CWC27: variants seen among roughly 807,000 people sequenced by gnomAD.
CWC27 encodes spliceosome-associated protein CWC27 homolog.
Under a neutral mutation model 63.6 loss-of-function variants are expected in CWC27, and 47 were observed. The observed-to-expected ratio is 0.74, with a 90% CI of 0.58 to 0.94. The LOEUF (loss-of-function observed/expected upper bound fraction) is 0.94. CWC27 is among the 40% of genes least tolerant of loss of function. The probability of loss-of-function intolerance (pLI) is 0.00; values close to 1 mark genes in which losing one functional copy is unlikely to be tolerated. For synonymous variants in CWC27, 175 were observed against 179.8 expected (o/e 0.97, Z 0.22); for missense variants, 495 against 554.3 (o/e 0.89, Z 1.07).
chr5:64,919,266 A>T (rs1369582388), intron 11 of CWC27, among the ~76,000 whole-genome samples: 1 of 152,220 alleles, frequency 6.6e-6, no homozygotes, highest in Non-Finnish European at 1.5e-5. Context: ...CTGGCCAGAG[A>T]AAAATTAGAA....
At position 64,818,394 on chromosome 5, in the gene CWC27, G is replaced by A. The variant is rs897910692; in HGVS notation, c.938+14008G>A. On this transcript the variant is annotated intron_variant, in intron 10 of 13. Transcript: ENST00000381070. ...AATTTCTTCTTCCTTTTAGATAAGC[G>A]TTTACTTTAGTTTTATTAGTCATTA... Among the ~76,000 whole-genome samples the A allele has an allele frequency of 4.9e-4, 75 of 152,018 alleles. 1 individual carries two copies. Among genetic ancestry groups the A allele is most frequent in the Non-Finnish European group, 9.0e-4 (61 of 67,972 alleles).
intron 10 of CWC27, among the ~76,000 whole-genome samples, chr5:64,867,195 A>G (rs1746550322): frequency 6.6e-6 from 1 of 152,190 alleles, no homozygotes; most frequent in East Asian, 1.9e-4. Context: ...AATTTTTCCA[A>G]TGTCACACAG....
At chr5:64,957,521 A>G (rs1748826202) in intron 11 of CWC27, among the ~76,000 whole-genome samples, 1 of 152,222 alleles carries the variant, frequency 6.6e-6, no homozygotes, top group Non-Finnish European at 1.5e-5. Context: ...AACAGGAACA[A>G]CAAACTACAG....
At chr5:64,848,254 AAC>A (rs1255173128) in intron 10 of CWC27, among the ~76,000 whole-genome samples, 5 of 152,166 alleles carry the variant, frequency 3.3e-5, no homozygotes. Context: ...CATATAGGAC[AAC>A]CTAGGAGAAA....
At chr5:64,784,001 A>G in intron 4 of CWC27, 22 bp downstream of exon 4, 1 of 1,539,332 alleles carries the variant, frequency 6.5e-7, no homozygotes, top group Non-Finnish European at 8.7e-7. Flanking sequence ...GTGATTTTAA[A>G]CCTGTGGTTC....
At chr5:64,964,681 C>T (rs1187044420) in intron 11 of CWC27, among the ~76,000 whole-genome samples, 1 of 152,130 alleles carries the variant, frequency 6.6e-6, no homozygotes, top group Non-Finnish European at 1.5e-5. Flanking sequence ...TTAGCCCAAG[C>T]TAAAATACTA....
intron 11 of CWC27, among the ~76,000 whole-genome samples, chr5:64,893,090 C>A (rs1346508451): frequency 6.6e-6 from 1 of 152,212 alleles, no homozygotes; most frequent in East Asian, 1.9e-4. Flanking sequence ...CATGCGCACA[C>A]ACACGTGTTT....
chr5:64,888,741 T>C (rs1160909732), intron 11 of CWC27, among the ~76,000 whole-genome samples: 2 of 151,906 alleles, frequency 1.3e-5, no homozygotes, highest in Non-Finnish European at 2.9e-5. Flanking sequence ...TAAATAACTG[T>C]TGCCAATAAG....
At chr5:64,822,543 G>A (rs1286180601) in intron 10 of CWC27, among the ~76,000 whole-genome samples, 3 of 152,112 alleles carry the variant, frequency 2.0e-5, no homozygotes, top group East Asian at 3.9e-4. Context: ...AAAGTACAGG[G>A]TGTATTTGAG....
chr5:64,977,097 C>A, intron 12 of CWC27, 38 bp from the exon 13 acceptor site: 2 of 1,205,822 alleles, frequency 1.7e-6, no homozygotes, highest in South Asian at 1.6e-5. Flanking sequence ...TTATATTTAT[C>A]TTTATCAGAA....
chr5:64,931,957 T>C (rs1230309620), intron 11 of CWC27, among the ~76,000 whole-genome samples: 1 of 152,130 alleles, frequency 6.6e-6, no homozygotes, highest in Non-Finnish European at 1.5e-5. Context: ...TTAAACATTT[T>C]GCAGAAAGCA....
Position 64,972,587 on chromosome 5 carries a change from G to A in CWC27, c.1152+775G>A, listed in dbSNP as rs534729391. Reference sequence around the variant, plus strand: ...ACCATTTTAGTTGTATAAATAAAACGGGCAAAGTAAAAGTAAATTAAAAAG... The same window carrying A: ...ACCATTTTAGTTGTATAAATAAAACAGGCAAAGTAAAAGTAAATTAAAAAG... On this transcript the variant is annotated intron_variant, in intron 12 of 13. Transcript: ENST00000381070. 4.7e-5 allele frequency: 19 copies of A among 403,280 alleles called. No individual in the cohort carries two copies. In the East Asian group the frequency reaches 9.1e-4, roughly 19 times the overall value. 25.0% of individuals were successfully genotyped at this position (403,280 alleles called of 1,614,324 possible). A position where few individuals can be genotyped will look rare whatever the true frequency, so the allele number is the denominator to read the frequency against.
intron 13 of CWC27, among the ~76,000 whole-genome samples, chr5:64,977,567 G>A (rs1309580): frequency 0.15 from 23,122 of 151,994 alleles, 1,970 homozygotes; most frequent in Non-Finnish European, 0.19. Context: ...TAAACAACTC[G>A]AAAACAACCT....
intron 10 of CWC27, among the ~76,000 whole-genome samples, chr5:64,821,689 AG>A (rs1745200851): frequency 6.6e-6 from 1 of 152,190 alleles, no homozygotes. Context: ...TATTGCAAAA[AG>A]AGTAGGGGAA....
chr5:65,011,390 A>G (rs1283314621), intron 13 of CWC27, among the ~76,000 whole-genome samples: 1 of 152,228 alleles, frequency 6.6e-6, no homozygotes, highest in Non-Finnish European at 1.5e-5. Flanking sequence ...AGCAGGTCAG[A>G]TCAGGAAAGG....
intron 10 of CWC27, among the ~76,000 whole-genome samples, chr5:64,864,282 T>C (rs1746484566): frequency 6.6e-6 from 1 of 152,192 alleles, no homozygotes; most frequent in South Asian, 2.1e-4. Flanking sequence ...TCGGCCTCTT[T>C]TACTTTTCCA....
At chr5:64,873,605 C>T (rs1746728066) in intron 10 of CWC27, among the ~76,000 whole-genome samples, 2 of 152,044 alleles carry the variant, frequency 1.3e-5, no homozygotes, top group Admixed American at 6.5e-5. Flanking sequence ...GAGTAGTATG[C>T]AAATATTTTC....
chr5:64,905,285 C>T (rs1438912809), intron 11 of CWC27, among the ~76,000 whole-genome samples: 1 of 150,450 alleles, frequency 6.6e-6, no homozygotes, highest in African/African-American at 2.5e-5. Context: ...ACCTTCTCCA[C>T]ACTCAAGCTA....
At chr5:64,830,806 G>A (rs1276940093) in intron 10 of CWC27, among the ~76,000 whole-genome samples, 1 of 152,106 alleles carries the variant, frequency 6.6e-6, no homozygotes, top group East Asian at 1.9e-4. Context: ...CATTTATGCA[G>A]CCAACAGACA....
Sources: gnomAD v4.1 joint callset for allele counts (sites outside exome capture counted in the v4.1 genomes callset) on GRCh38, gnomAD v4.1.1 for gene constraint, MANE v1.5 for transcripts, NCBI Gene and HGNC (gene_info 2026-07-23, HGNC 2026-07-21) for gene names.